SDAD1: variants seen among roughly 807,000 people sequenced by gnomAD.
SDAD1 encodes the protein protein SDA1 homolog.
A neutral mutation model predicts 100.3 loss-of-function variants in SDAD1; 79 were observed. The ratio of observed to expected loss-of-function variants is 0.79; its 90% CI spans 0.66 to 0.95. The LOEUF (loss-of-function observed/expected upper bound fraction) is 0.95, where lower values mean the gene tolerates loss of function less well. Among genes scored for constraint, SDAD1 ranks in the 40% least tolerant of loss-of-function variants. The probability of loss-of-function intolerance (pLI) is 0.00; values close to 1 mark genes in which losing one functional copy is unlikely to be tolerated. For synonymous variants in SDAD1, 267 were observed against 271.4 expected (o/e 0.98, Z 0.16); for missense variants, 790 against 810.9 (o/e 0.97, Z 0.31).
intron 9 of SDAD1, 135 bp downstream of exon 9, chr4:75,971,222 G>A (rs1474152476): frequency 1.5e-5 from 9 of 619,266 alleles, no homozygotes; most frequent in Non-Finnish European, 2.5e-5. Flanking sequence ...AAATATTAGT[G>A]CTTAAAAATT....
intron 8 of SDAD1, among the ~76,000 whole-genome samples, chr4:75,971,808 G>T (rs1041284850): frequency 4.6e-5 from 7 of 152,096 alleles, no homozygotes; most frequent in African/African-American, 1.7e-4. Flanking sequence ...GAAGGGGGAA[G>T]TTACAGTGAG....
chr4:75,959,097 CA>C (rs61245198), intron 17 of SDAD1, among the ~76,000 whole-genome samples: 135 of 54,950 alleles, frequency 2.5e-3, no homozygotes, highest in African/African-American at 0.01. Context: ...GACTCTGTCT[CA>C]AAAAAAAAAA....
Position 75,950,497 on chromosome 4 carries a change from GC to G in SDAD1, c.*252del. 1 of 407,508 alleles carries G rather than the reference GC, an allele frequency of 2.5e-6. No homozygotes were observed. Among genetic ancestry groups the G allele is most frequent in the Non-Finnish European group, 4.6e-6 (1 of 218,770 alleles). 25.2% of individuals were successfully genotyped at this position (407,508 alleles called of 1,614,324 possible). On this transcript the variant is annotated 3_prime_UTR_variant, in exon 22 of 22. Transcript: ENST00000356260. Reference sequence around the variant, plus strand: ...TTGCATCTACAGTGACAATGAATAGGCACTCAATACATACTTTTTTTTGCAT... The same window carrying G: ...TTGCATCTACAGTGACAATGAATAGGACTCAATACATACTTTTTTTTGCAT...
In SDAD1 at chr4:75,990,830, T is replaced by G; in HGVS notation, c.12A>C (p.Arg4Ser). Reference protein sequence around the residue: MSNRNNNKLPSNLP... With the variant: MSNSNNNKLPSNLP... ...GGTTGCTGGGAAGCTTGTTGTTGTT[T>G]CTGTTGGACATTTTGGCTGCAGACA... The change falls in exon 1 of 22, where the codon AGA becomes AGC. Residue 4 changes from arginine (R) to serine (S), a missense_variant. Transcript: ENST00000356260. The G allele has an allele frequency of 1.2e-6, 2 of 1,614,096 alleles. No homozygotes were observed. The highest frequency in any genetic ancestry group is 1.7e-6 in the Non-Finnish European group (2 of 1,180,008).
intron 4 of SDAD1, among the ~76,000 whole-genome samples, chr4:75,977,141 T>C (rs547829869): frequency 1.3e-5 from 2 of 152,200 alleles, no homozygotes; most frequent in Non-Finnish European, 2.9e-5. Context: ...TCTAGTCTTA[T>C]ATAAGCAAAT....
At chr4:75,959,004 A>G (rs1022998102) in intron 17 of SDAD1, among the ~76,000 whole-genome samples, 39 of 140,934 alleles carry the variant, frequency 2.8e-4, no homozygotes, top group Non-Finnish European at 5.2e-4. Flanking sequence ...AGGCTGAGGT[A>G]GGAGAATGGC....
At position 75,969,279 on chromosome 4, in the gene SDAD1, CATAAT is replaced by C. The variant is rs778134115; in HGVS notation, c.987+12_987+16del. The C allele has an allele frequency of 5.1e-5, 80 of 1,582,814 alleles. No individual in the cohort carries two copies. Among genetic ancestry groups the C allele is most frequent in the Non-Finnish European group, 6.7e-5 (77 of 1,154,040 alleles). ...TACTTCAAATATTCACCAAGAGAAA[CATAAT>C]ATAATTCAAACCTCATGAATTCCCA... On this transcript the variant is annotated intron_variant, in intron 11 of 21. Coordinates refer to ENST00000356260, the MANE Select transcript of SDAD1 (RefSeq NM_018115.4).
rs1176500341 is a variant in SDAD1, at chr4:75,970,329, T to G, written c.863A>C (p.His288Pro). 2 of 1,613,782 alleles carry G rather than the reference T, an allele frequency of 1.2e-6. No individual in the cohort carries two copies. The highest frequency in any genetic ancestry group is 1.7e-6 in the Non-Finnish European group (2 of 1,179,878). Residue 288 changes from histidine to proline, a missense_variant, in exon 10 of 22, where the codon CAC becomes CCC. His to Pro is a moderately conservative substitution (Grantham distance 77, BLOSUM62 -2). Coordinates refer to ENST00000356260, the MANE Select transcript of SDAD1 (RefSeq NM_018115.4). The stretch of plus-strand genomic sequence containing the variant: ...CGTACCTTGGGGATCATGAATCAAG[T>G]GAATGGCTGAAAAGTTAAACACCTC... ...KPEVFNFSAI[H>P]LIHDPQDFAE...
At chr4:75,974,823 C>T (rs1440983453) in intron 6 of SDAD1, among the ~76,000 whole-genome samples, 3 of 152,078 alleles carry the variant, frequency 2.0e-5, no homozygotes, top group African/African-American at 7.2e-5. Context: ...GGGTGGATCA[C>T]GATGTCAGGA....
At chr4:75,961,385 A>G (rs1729222251) in intron 14 of SDAD1, 77 bp from the exon 15 acceptor site, 2 of 1,071,830 alleles carry the variant, frequency 1.9e-6, no homozygotes, top group Non-Finnish European at 2.8e-6. Flanking sequence ...GACTTCCTAA[A>G]AAGATTAACT....
rs1389408454 is a variant in SDAD1, at chr4:75,960,055, T to C, written c.1483+11A>G. The C allele has an allele frequency of 3.1e-6, 5 of 1,604,882 alleles. No homozygotes were observed. In the African/African-American group the frequency reaches 6.7e-5, roughly 22 times the overall value. On this transcript the variant is annotated intron_variant, in intron 17 of 21. Coordinates refer to ENST00000356260, the MANE Select transcript of SDAD1 (RefSeq NM_018115.4). ...TGTTTTGCCCAAAATAAGGGTGAAATAAAAATCAACCTTCATCATTTTCAG... is the reference window on the plus strand; with the variant it reads ...TGTTTTGCCCAAAATAAGGGTGAAACAAAAATCAACCTTCATCATTTTCAG...
intron 3 of SDAD1, 114 bp downstream of exon 3, chr4:75,981,258 T>C (rs1039596199): frequency 3.1e-6 from 3 of 958,190 alleles, no homozygotes; most frequent in Admixed American, 2.5e-5. Context: ...GGATAATACA[T>C]TATAATTTAC....
At chr4:75,977,299 T>TTA (rs1224204675) in intron 4 of SDAD1, among the ~76,000 whole-genome samples, 3 of 152,230 alleles carry the variant, frequency 2.0e-5, no homozygotes, top group African/African-American at 7.2e-5. Flanking sequence ...GAGCCTGGGC[T>TTA]TATATCCAAT....
In SDAD1 at chr4:75,981,975, T is replaced by C. The variant is rs1464281108; in HGVS notation, c.153A>G (p.Lys51=). Residue 51 remains lysine (K), a synonymous_variant, in exon 2 of 22, where the codon AAA becomes AAG. Transcript: ENST00000356260. The part of the protein sequence containing the change: ...NVEIFKLQPN[K]PSKELAELVM... ...CCAGCTCTGCTAGTTCTTTGCTGGG[T>C]TTATTTGGTTGCAATTTGAAAATCT... is the stretch of plus-strand genomic sequence containing the variant. 9 of 1,611,994 alleles carry C rather than the reference T, an allele frequency of 5.6e-6. No homozygotes were observed. Among genetic ancestry groups the C allele is most frequent in the Middle Eastern group, 1.9e-4 (1 of 5,282 alleles).
At position 75,957,874 on chromosome 4, in the gene SDAD1, G is replaced by GT. The variant is rs1560536811; in HGVS notation, c.1550dup (p.His517GlnfsTer5). The GT allele has an allele frequency of 6.2e-7, 1 of 1,613,866 alleles. No homozygotes were observed. The highest frequency in any genetic ancestry group is 1.7e-4 in the Middle Eastern group (1 of 5,848). On this transcript the variant is annotated frameshift_variant, in exon 18 of 22. Transcript: ENST00000356260. LOFTEE classifies it high-confidence loss of function. ...TTTCTTGCTGTTCTTCATCGGAAGAGTGTTGCACATCAATCCATTCACCAT... is the reference window on the plus strand; with the variant it reads ...TTTCTTGCTGTTCTTCATCGGAAGAGTTGTTGCACATCAATCCATTCACCAT...
chr4:75,965,656 A>G (rs1729496341), intron 13 of SDAD1, 108 bp downstream of exon 13: 2 of 856,444 alleles, frequency 2.3e-6, no homozygotes, highest in East Asian at 5.0e-5. Context: ...ATAGAAAAAA[A>G]CCCACGTTGA....
At chr4:75,958,835 C>T (rs1352800416) in intron 17 of SDAD1, among the ~76,000 whole-genome samples, 5 of 150,960 alleles carry the variant, frequency 3.3e-5, no homozygotes, top group South Asian at 4.2e-4. Flanking sequence ...CAGTGGCTCA[C>T]GCCTGTAATC....
intron 21 of SDAD1, among the ~76,000 whole-genome samples, chr4:75,952,568 C>T (rs1728672967): frequency 6.6e-6 from 1 of 152,210 alleles, no homozygotes; most frequent in Non-Finnish European, 1.5e-5. Context: ...CTCATGTACA[C>T]TTTCAAGCCA....
At position 75,957,529 on chromosome 4, in the gene SDAD1, A is replaced by G. The variant is rs1728967704; in HGVS notation, c.1758T>C (p.Asp586=). Residue 586 remains aspartate (D), a synonymous_variant, in exon 19 of 22, where the codon GAT becomes GAC. Coordinates refer to ENST00000356260, the MANE Select transcript of SDAD1 (RefSeq NM_018115.4). ...QKRKYIEIDS[D]EEPRGELLSL... ...ATGTGCCATTTTACCTGGGCTCTTC[A>G]TCACTGTCTATTTCAATGTATTTCC... The G allele has an allele frequency of 1.9e-6, 3 of 1,614,014 alleles. No individual in the cohort carries two copies. Among genetic ancestry groups the G allele is most frequent in the Non-Finnish European group, 2.5e-6 (3 of 1,180,008 alleles).
Sources: allele counts gnomAD v4.1 joint callset (sites outside exome capture counted in the v4.1 genomes callset), GRCh38; gene constraint gnomAD v4.1.1; transcripts MANE v1.5; gene names NCBI Gene and HGNC (gene_info 2026-07-23, HGNC 2026-07-21).